Variants in DLGAP1 observed in about 807,000 individuals in gnomAD.
The protein encoded by DLGAP1 is DLG associated protein 1.
A neutral mutation model predicts 90.8 loss-of-function variants in DLGAP1; 11 were observed. The observed-to-expected ratio is 0.12, with a 90% CI of 0.08 to 0.20. The LOEUF (loss-of-function observed/expected upper bound fraction) is 0.20, where lower values mean the gene tolerates loss of function less well. DLGAP1 is among the 10% of genes least tolerant of loss of function. The pLI is 1.00. For missense variants in DLGAP1, 1,050 were observed against 1,333.8 expected, an observed-to-expected ratio of 0.79 and a Z score of 3.31; for synonymous variants, 558 against 540.7, an observed-to-expected ratio of 1.03 and a Z score of -0.44.
At chr18:3,840,659 T>C (rs370454779) in intron 4 of DLGAP1, among the ~76,000 whole-genome samples, 1 of 152,336 alleles carries the variant, frequency 6.6e-6, no homozygotes, top group East Asian at 1.9e-4. Flanking sequence ...GGAGCCTCTA[T>C]TCCACTAACT....
intron 1 of DLGAP1, among the ~76,000 whole-genome samples, chr18:4,380,273 A>T (rs2082089028): frequency 6.6e-6 from 1 of 152,208 alleles, no homozygotes; most frequent in African/African-American, 2.4e-5. Flanking sequence ...TATTCTTGTT[A>T]CAGTTTCCAC....
chr18:3,778,638 G>GA (rs1399317617), intron 5 of DLGAP1, among the ~76,000 whole-genome samples: 4 of 152,146 alleles, frequency 2.6e-5, no homozygotes, highest in African/African-American at 9.7e-5. Flanking sequence ...GGCAAGTGGG[G>GA]AGAGATTCAA....
intron 9 of DLGAP1, among the ~76,000 whole-genome samples, chr18:3,564,360 G>A (rs931208261): frequency 6.6e-6 from 1 of 152,076 alleles, no homozygotes; most frequent in African/African-American, 2.4e-5. Context: ...CTGAGGTTGG[G>A]TATGTCCCTT....
At chr18:3,966,505 G>A (rs954153336) in intron 3 of DLGAP1, among the ~76,000 whole-genome samples, 2 of 152,098 alleles carry the variant, frequency 1.3e-5, no homozygotes, top group African/African-American at 2.4e-5. Flanking sequence ...ATTAGGGGAT[G>A]AGAAAATCTC....
chr18:3,864,045 C>T (rs533160620), intron 4 of DLGAP1, among the ~76,000 whole-genome samples: 1 of 152,330 alleles, frequency 6.6e-6, no homozygotes, highest in Admixed American at 6.5e-5. Flanking sequence ...CTGGTCTTTT[C>T]CCTCCTGCTT....
intron 11 of DLGAP1, among the ~76,000 whole-genome samples, chr18:3,506,519 A>C (rs1405829933): frequency 1.3e-5 from 2 of 149,850 alleles, no homozygotes; most frequent in African/African-American, 4.9e-5. Flanking sequence ...GTCTCAAAAA[A>C]AAAAAAAAAA....
chr18:3,893,299 G>A (rs904664341), intron 3 of DLGAP1, among the ~76,000 whole-genome samples: 2 of 152,052 alleles, frequency 1.3e-5, no homozygotes, highest in African/African-American at 2.4e-5. Flanking sequence ...ATCATTGGCC[G>A]GGTGTGGTGG....
At chr18:4,092,330 A>T (rs1231536559) in intron 2 of DLGAP1, among the ~76,000 whole-genome samples, 1 of 152,096 alleles carries the variant, frequency 6.6e-6, no homozygotes, top group South Asian at 2.1e-4. Context: ...GAGGTTTTCC[A>T]TTGTCCTGGC....
intron 3 of DLGAP1, among the ~76,000 whole-genome samples, chr18:3,883,173 G>A (rs909613145): frequency 4.6e-5 from 7 of 152,198 alleles, no homozygotes; most frequent in Non-Finnish European, 8.8e-5. Context: ...GAATCCAGGA[G>A]GCGGAGGTTG....
At chr18:3,507,815 C>A (rs1037167806) in intron 11 of DLGAP1, among the ~76,000 whole-genome samples, 6 of 135,218 alleles carry the variant, frequency 4.4e-5, no homozygotes, top group Non-Finnish European at 9.2e-5. Context: ...CAGCTCGCTG[C>A]AACCTCCGCC....
rs978599793 is a variant in DLGAP1 at position 4,084,327 on chromosome 18, C to T, written c.-159+66853G>A. Among the ~76,000 whole-genome samples, 1 of 152,098 alleles carries T rather than the reference C, an allele frequency of 6.6e-6. No homozygotes were observed. Among genetic ancestry groups the T allele is most frequent in the African/African-American group, 2.4e-5 (1 of 41,406 alleles). ...TCCTTATAGGAAAAATGATTGTTTA[C>T]CATAACTCATTTAACAATCTTTCCA... On this transcript the variant is annotated intron_variant, in intron 2 of 12. Transcript: ENST00000315677. This position sits in a 1 kb window ranked among gnomAD's most constrained non-coding sequence, Gnocchi z 4.0.
At chr18:4,315,359 G>A (rs2080501248) in intron 1 of DLGAP1, among the ~76,000 whole-genome samples, 1 of 152,152 alleles carries the variant, frequency 6.6e-6, no homozygotes, top group African/African-American at 2.4e-5. Context: ...TTATTATCTA[G>A]ATATTTTGGA....
intron 10 of DLGAP1, among the ~76,000 whole-genome samples, chr18:3,514,871 G>A (rs188762206): frequency 2.6e-4 from 40 of 152,238 alleles, no homozygotes; most frequent in African/African-American, 7.9e-4. Context: ...GGTAGGGGTG[G>A]CTGTGGCAAT....
chr18:4,259,676 A>G (rs1009289006), intron 1 of DLGAP1, among the ~76,000 whole-genome samples: 1 of 152,260 alleles, frequency 6.6e-6, no homozygotes, highest in African/African-American at 2.4e-5. Context: ...CAATGCCATT[A>G]CATAGTGTAA....
At chr18:3,523,355 C>T (rs550655841) in intron 10 of DLGAP1, among the ~76,000 whole-genome samples, 3 of 148,610 alleles carry the variant, frequency 2.0e-5, no homozygotes, top group East Asian at 2.0e-4. Context: ...CCAGCCTGGG[C>T]AACAGAGCAA....
chr18:4,054,625 T>C (rs554195735), intron 2 of DLGAP1, among the ~76,000 whole-genome samples: 1 of 152,304 alleles, frequency 6.6e-6, no homozygotes, highest in Admixed American at 6.5e-5. Context: ...TCAACTCTTT[T>C]CAATTGGAGT....
chr18:3,783,182 G>A (rs1473685690), intron 5 of DLGAP1, among the ~76,000 whole-genome samples: 1 of 152,112 alleles, frequency 6.6e-6, no homozygotes, highest in African/African-American at 2.4e-5. Context: ...AGAAATTGGA[G>A]CGCTTATACA....
intron 3 of DLGAP1, among the ~76,000 whole-genome samples, chr18:3,910,345 T>C (rs1418316911): frequency 2.0e-5 from 3 of 152,072 alleles, no homozygotes. Flanking sequence ...GTATTACTAC[T>C]ATTATCCACT....
At chr18:3,874,184 C>T in intron 4 of DLGAP1, 3 of 1,550,124 alleles carry the variant, frequency 1.9e-6, no homozygotes, top group Non-Finnish European at 2.6e-6. Flanking sequence ...TTGAAACTTG[C>T]ACACAAACTG....
Sources: gnomAD v4.1 joint callset for allele counts (sites outside exome capture counted in the v4.1 genomes callset) on GRCh38, gnomAD v4.1.1 for gene constraint, Gnocchi (gnomAD v3.1) non-coding constraint, MANE v1.5 for transcripts, NCBI Gene and HGNC (gene_info 2026-07-23, HGNC 2026-07-21) for gene names.